Variants in COPG1 observed in about 807,000 individuals in gnomAD.
The protein encoded by COPG1 is coat protein complex I subunit gamma 1.
In COPG1, 29 loss-of-function variants were observed where a neutral mutation model predicts 102.8. That is an observed-to-expected ratio of 0.28 (90% confidence interval 0.21 to 0.38). The LOEUF (loss-of-function observed/expected upper bound fraction) is 0.38, where lower values mean the gene tolerates loss of function less well. Ranked by LOEUF, COPG1 falls within the 10% of genes least tolerant of loss-of-function variation. The pLI, the probability that COPG1 is intolerant of heterozygous loss-of-function variation, is 1.00. For synonymous variants in COPG1, 406 were observed against 421.6 expected (o/e 0.96, Z 0.45); for missense variants, 875 against 1,132.7 (o/e 0.77, Z 3.27).
chr3:129,272,579 T>A (rs551097421), intron 20 of COPG1, among the ~76,000 whole-genome samples, 164 bp downstream of exon 20: 96 of 149,270 alleles, frequency 6.4e-4, no homozygotes, highest in Middle Eastern at 3.4e-3. Flanking sequence ...TCTTTAAAAA[T>A]TTTTTTTTTT....
At position 129,268,629 on chromosome 3, in the gene COPG1, T is replaced by G. The variant is rs1180562565; in HGVS notation, c.1774+9T>G. ...GGCAGAGCAGAGAACAGGTAACACT[T>G]ATACTCCTCCCAGAGGCCATCAAGG... On this transcript the variant is annotated intron_variant, in intron 17 of 23. Transcript: ENST00000314797. 2 of 1,613,604 alleles carry G rather than the reference T, an allele frequency of 1.2e-6. No homozygotes were observed. The highest frequency in any genetic ancestry group is 1.7e-6 in the Non-Finnish European group (2 of 1,179,860).
At position 129,275,014 on chromosome 3, in the gene COPG1, G is replaced by T; in HGVS notation, c.2395+38G>T. 1.2e-6 allele frequency: 2 copies of T among 1,609,462 alleles called. No homozygotes were observed. Among genetic ancestry groups the T allele is most frequent in the Middle Eastern group, 1.7e-4 (1 of 6,042 alleles). ...GAATGCCATCTCTGGCCTAATTACT[G>T]TTCAAGATCTTTGGCTACTATTGAA... On this transcript the variant is annotated intron_variant, in intron 22 of 23. Transcript: ENST00000314797. The surrounding 1 kb of genome is among the most constrained non-coding windows in gnomAD (Gnocchi z 5.0).
intron 12 of COPG1, among the ~76,000 whole-genome samples, chr3:129,262,338 C>T (rs544978529): frequency 1.2e-4 from 18 of 151,514 alleles, no homozygotes; most frequent in Non-Finnish European, 1.9e-4. Flanking sequence ...CTGCAAGCTC[C>T]GCCTCCTGGG....
Position 129,268,570 on chromosome 3 carries a change from A to T in COPG1, c.1724A>T (p.Asp575Val). The T allele has an allele frequency of 1.9e-6, 3 of 1,614,116 alleles. No homozygotes were observed. The highest frequency in any genetic ancestry group is 2.5e-6 in the Non-Finnish European group (3 of 1,180,016). Residue 575 changes from aspartate (D) to valine (V), a missense_variant, in exon 17 of 24, where the codon GAC becomes GTC. Physicochemically the swap from Asp to Val is radical, Grantham distance 152. Coordinates refer to ENST00000314797, the MANE Select transcript of COPG1 (RefSeq NM_016128.4). ...CTAGAACCATCAGAAAAACCTTTTG[A>T]CCTCAAGTCTGTGCCCCTGGCCACG... ...YTLEPSEKPF[D>V]LKSVPLATAP...
At chr3:129,262,671 C>T (rs537810363) in intron 12 of COPG1, among the ~76,000 whole-genome samples, 8 of 151,010 alleles carry the variant, frequency 5.3e-5, no homozygotes, top group Admixed American at 4.0e-4. Context: ...TGCAGTGAGC[C>T]ATGATCATGC....
Position 129,274,979 on chromosome 3 carries a change from A to G in COPG1, c.2395+3A>G. On this transcript the variant is annotated splice_donor_region_variant and intron_variant, in intron 22 of 23. Coordinates refer to ENST00000314797, the MANE Select transcript of COPG1 (RefSeq NM_016128.4). ...GTCTACCATCAAGACACTTGAAGGT[A>G]AAATCCTGGGAATGCCATCTCTGGC... is the stretch of plus-strand genomic sequence containing the variant. The G allele has an allele frequency of 6.2e-7, 1 of 1,614,086 alleles. No individual in the cohort carries two copies.
rs1940245673 is a variant in COPG1, at chr3:129,275,357, G to A, written c.2494+65G>A. On this transcript the variant is annotated intron_variant, in intron 23 of 23. Coordinates refer to ENST00000314797, the MANE Select transcript of COPG1 (RefSeq NM_016128.4). The surrounding 1 kb of genome is among the most constrained non-coding windows in gnomAD (Gnocchi z 5.0). ...ACAGCCTGGATGCCACTGGATCCTG[G>A]GCTAAGGACTCCACTGTAAATATGG... 1 of 1,235,654 alleles carries A rather than the reference G, an allele frequency of 8.1e-7. No homozygotes were observed. The highest frequency in any genetic ancestry group is 1.2e-6 in the Non-Finnish European group (1 of 843,144). 76.5% of individuals were successfully genotyped at this position (1,235,654 alleles called of 1,614,324 possible). A position where few individuals can be genotyped will look rare whatever the true frequency, so the allele number is the denominator to read the frequency against.
chr3:129,272,111 G>A (rs1289685998), intron 19 of COPG1, 133 bp from the exon 20 acceptor site: 1 of 1,041,388 alleles, frequency 9.6e-7, no homozygotes, highest in African/African-American at 1.6e-5. Flanking sequence ...ATGAAGACAG[G>A]GAACCTGGGG....
intron 21 of COPG1, 152 bp from the exon 22 acceptor site, chr3:129,274,686 C>A: frequency 1.2e-6 from 1 of 831,050 alleles, no homozygotes; most frequent in Non-Finnish European, 1.9e-6. Flanking sequence ...GGTACCTGGT[C>A]AAGTTGCTCT....
At chr3:129,257,269 T>TA (rs1447371957) in intron 8 of COPG1, among the ~76,000 whole-genome samples, 1 of 152,226 alleles carries the variant, frequency 6.6e-6, no homozygotes, top group African/African-American at 2.4e-5. Flanking sequence ...GAACCACAGA[T>TA]ATACTTCTGT....
intron 18 of COPG1, among the ~76,000 whole-genome samples, chr3:129,269,804 C>T (rs567380831): frequency 2.6e-5 from 4 of 152,094 alleles, no homozygotes; most frequent in African/African-American, 7.2e-5. Context: ...TGCTGTAACA[C>T]GTTACCACAA....
At chr3:129,263,725 G>T (rs73862854) in intron 12 of COPG1, among the ~76,000 whole-genome samples, 179 bp from the exon 13 acceptor site, 10,942 of 151,736 alleles carry the variant, frequency 0.072, 1,224 homozygotes, top group African/African-American at 0.24. Context: ...CCTTGGGTGG[G>T]CTCAGGGATT....
At chr3:129,253,668 G>A (rs1232290727) in intron 5 of COPG1, among the ~76,000 whole-genome samples, 1 of 152,150 alleles carries the variant, frequency 6.6e-6, no homozygotes, top group Non-Finnish European at 1.5e-5. Context: ...TGATCTAAGT[G>A]GAGTCCTGAA....
chr3:129,266,296 T>A (rs1196395315), intron 14 of COPG1, among the ~76,000 whole-genome samples: 2 of 152,042 alleles, frequency 1.3e-5, no homozygotes, highest in African/African-American at 2.4e-5. Context: ...TATAATTTTT[T>A]AAGTATTTTT....
At chr3:129,261,689 T>C (rs2107675715) in intron 12 of COPG1, among the ~76,000 whole-genome samples, 1 of 152,338 alleles carries the variant, frequency 6.6e-6, no homozygotes, top group East Asian at 1.9e-4. Flanking sequence ...GACACTGGCA[T>C]GACCCATAGA....
At chr3:129,262,667 G>A (rs567314431) in intron 12 of COPG1, among the ~76,000 whole-genome samples, 1 of 151,624 alleles carries the variant, frequency 6.6e-6, no homozygotes, top group South Asian at 2.1e-4. Context: ...AGGCTGCAGT[G>A]AGCCATGATC....
At position 129,277,523 on chromosome 3, in the gene COPG1, A is replaced by G. The variant is rs1258550583; in HGVS notation, c.*99A>G. On this transcript the variant is annotated 3_prime_UTR_variant, in exon 24 of 24. Transcript: ENST00000314797. ...CAGAAACCCCTTCCCAAGCTTCTGT[A>G]TTGAAAAACAATTAGGAATCATTGC... is the stretch of plus-strand genomic sequence containing the variant. 1.2e-5 allele frequency: 16 copies of G among 1,284,042 alleles called. No homozygotes were observed. Among genetic ancestry groups the G allele is most frequent in the South Asian group, 4.0e-5 (3 of 75,070 alleles). The allele number at this position is 1,284,042 out of a possible 1,614,324, so 79.5% of individuals were successfully genotyped here.
At position 129,268,154 on chromosome 3, in the gene COPG1, A is replaced by G. The variant is rs1411012994; in HGVS notation, c.1648+114A>G. 9 of 889,798 alleles carry G rather than the reference A, an allele frequency of 1.0e-5. No individual in the cohort carries two copies. The East Asian group carries it at 2.4e-4, about 23-fold the overall frequency. The allele number at this position is 889,798 out of a possible 1,614,324, so 55.1% of individuals were successfully genotyped here. On this transcript the variant is annotated intron_variant, in intron 16 of 23. Coordinates refer to ENST00000314797, the MANE Select transcript of COPG1 (RefSeq NM_016128.4). Reference sequence around the variant, plus strand: ...ATGCTCTTGGCTGGACTTGCCTGGCAACCTCATGGCATCATGGTGACCTCA... The same window carrying G: ...ATGCTCTTGGCTGGACTTGCCTGGCGACCTCATGGCATCATGGTGACCTCA...
chr3:129,270,773 T>C (rs989926887), intron 18 of COPG1, among the ~76,000 whole-genome samples: 1 of 152,198 alleles, frequency 6.6e-6, no homozygotes, highest in Admixed American at 6.5e-5. Flanking sequence ...GGGAAAAATA[T>C]CAGATCCATG....
Sources: gnomAD v4.1 joint callset for allele counts (sites outside exome capture counted in the v4.1 genomes callset) on GRCh38, gnomAD v4.1.1 for gene constraint, Gnocchi (gnomAD v3.1) non-coding constraint, MANE v1.5 for transcripts, NCBI Gene and HGNC (gene_info 2026-07-23, HGNC 2026-07-21) for gene names.